Variants in RNGTT observed in about 807,000 individuals in gnomAD.
The protein encoded by RNGTT is RNA guanylyltransferase and 5'-phosphatase, also known as mRNA-capping enzyme.
Under a neutral mutation model 79.3 loss-of-function variants are expected in RNGTT, and 33 were observed. The observed-to-expected ratio is 0.42, with a 90% CI of 0.32 to 0.56. RNGTT has a LOEUF of 0.56. Ranked by LOEUF, RNGTT falls within the 20% of genes least tolerant of loss-of-function variation. The probability of loss-of-function intolerance (pLI) is 0.17; values close to 1 mark genes in which losing one functional copy is unlikely to be tolerated. For missense variants in RNGTT, 497 were observed against 739.1 expected (o/e 0.67, Z 3.80); for synonymous variants, 222 against 235.9 (o/e 0.94, Z 0.54).
chr6:88,790,559 C>T (rs1263693184), intron 12 of RNGTT, among the ~76,000 whole-genome samples: 6 of 152,092 alleles, frequency 3.9e-5, no homozygotes, highest in Non-Finnish European at 8.8e-5. Flanking sequence ...GATTGACCTC[C>T]AGACAGGTTA....
At chr6:88,793,231 TAAGAAAC>T (rs1043422254) in intron 12 of RNGTT, among the ~76,000 whole-genome samples, 9 of 152,046 alleles carry the variant, frequency 5.9e-5, no homozygotes, top group African/African-American at 2.2e-4. Context: ...AATAAAACAT[TAAGAAAC>T]AAAGACTGAA....
chr6:88,839,945 A>G (rs1781211715), intron 11 of RNGTT, among the ~76,000 whole-genome samples: 1 of 152,342 alleles, frequency 6.6e-6, no homozygotes, highest in Admixed American at 6.5e-5. Flanking sequence ...CAAAACAAAG[A>G]GTTATAGAGC....
At chr6:88,854,579 C>T (rs915126442) in intron 8 of RNGTT, among the ~76,000 whole-genome samples, 23 of 152,318 alleles carry the variant, frequency 1.5e-4, no homozygotes, top group Non-Finnish European at 2.6e-4. Flanking sequence ...GTTAGCAAAA[C>T]AGCTAATCCC....
At chr6:88,816,723 C>T (rs1293328225) in intron 11 of RNGTT, among the ~76,000 whole-genome samples, 1 of 152,072 alleles carries the variant, frequency 6.6e-6, no homozygotes, top group African/African-American at 2.4e-5. Flanking sequence ...AAAACCTTTG[C>T]GAGCACCCTA....
At chr6:88,828,125 C>A (rs899530834) in intron 11 of RNGTT, among the ~76,000 whole-genome samples, 2 of 152,178 alleles carry the variant, frequency 1.3e-5, no homozygotes, top group Non-Finnish European at 2.9e-5. Flanking sequence ...GGTCAACAGA[C>A]ACCTCATACA....
intron 8 of RNGTT, among the ~76,000 whole-genome samples, chr6:88,882,959 C>G (rs1223853605): frequency 6.6e-6 from 1 of 152,072 alleles, no homozygotes; most frequent in African/African-American, 2.4e-5. Context: ...CCTGCTATAG[C>G]CGCACAAATG....
At chr6:88,658,383 T>C (rs947228130) in intron 14 of RNGTT, among the ~76,000 whole-genome samples, 4 of 152,198 alleles carry the variant, frequency 2.6e-5, no homozygotes, top group Admixed American at 1.3e-4. Flanking sequence ...GGTGCTGGTA[T>C]CCACAGCTGG....
intron 13 of RNGTT, among the ~76,000 whole-genome samples, chr6:88,698,200 GAT>G (rs1554206718): frequency 2.5e-5 from 2 of 81,324 alleles, no homozygotes; most frequent in Non-Finnish European, 3.9e-5. Context: ...AAATATATAT[GAT>G]ATATATGAAA....
intron 11 of RNGTT, among the ~76,000 whole-genome samples, chr6:88,804,300 A>G (rs1779887506): frequency 6.6e-6 from 1 of 152,186 alleles, no homozygotes; most frequent in Admixed American, 6.5e-5. Flanking sequence ...AAATGCCCCA[A>G]AGATTTCTGC....
intron 11 of RNGTT, among the ~76,000 whole-genome samples, chr6:88,842,363 T>C (rs909144438): frequency 6.6e-6 from 1 of 151,726 alleles, no homozygotes; most frequent in Admixed American, 6.6e-5. Context: ...TTTTAAACAC[T>C]AGATCTGGTA....
intron 4 of RNGTT, among the ~76,000 whole-genome samples, chr6:88,923,003 T>C (rs1474595671): frequency 6.6e-6 from 1 of 152,230 alleles, no homozygotes; most frequent in African/African-American, 2.4e-5. Context: ...TTATCTCCCA[T>C]ATGTCTTGTA....
chr6:88,696,581 G>A (rs1481717491), intron 13 of RNGTT, among the ~76,000 whole-genome samples: 1 of 147,836 alleles, frequency 6.8e-6, no homozygotes, highest in Non-Finnish European at 1.5e-5. Context: ...TTGACTGCAG[G>A]ATGAACAGAA....
chr6:88,802,205 A>C (rs1356241008), intron 11 of RNGTT, among the ~76,000 whole-genome samples: 2 of 152,182 alleles, frequency 1.3e-5, no homozygotes, highest in Non-Finnish European at 2.9e-5. Context: ...AAACATGGAG[A>C]TTATAATCCA....
intron 13 of RNGTT, among the ~76,000 whole-genome samples, chr6:88,724,927 A>G (rs972616427): frequency 2.6e-5 from 4 of 152,170 alleles, no homozygotes; most frequent in Non-Finnish European, 5.9e-5. Context: ...CCAATAGGGG[A>G]AGGACACAGC....
chr6:88,849,613 G>T, intron 10 of RNGTT, 142 bp downstream of exon 10: 2 of 586,738 alleles, frequency 3.4e-6, no homozygotes, highest in Non-Finnish European at 2.6e-6. Context: ...GATATAAAAG[G>T]ATTAAAAAAA....
chr6:88,686,675 A>G (rs1308577251), intron 13 of RNGTT, among the ~76,000 whole-genome samples: 1 of 152,164 alleles, frequency 6.6e-6, no homozygotes, highest in East Asian at 1.9e-4. Flanking sequence ...AAGTGAAAGG[A>G]TAATCTTTCT....
At chr6:88,685,102 C>T (rs1328237758) in intron 13 of RNGTT, among the ~76,000 whole-genome samples, 2 of 151,996 alleles carry the variant, frequency 1.3e-5, no homozygotes, top group Non-Finnish European at 2.9e-5. Context: ...AAAACTATAG[C>T]GGCAAGATCA....
At chr6:88,851,670 C>T (rs1249414365) in intron 9 of RNGTT, among the ~76,000 whole-genome samples, 1 of 152,008 alleles carries the variant, frequency 6.6e-6, no homozygotes, top group East Asian at 1.9e-4. Flanking sequence ...AGCTTCAATG[C>T]TCACATCTGA....
chr6:88,811,876 T>C (rs564000299), intron 11 of RNGTT, among the ~76,000 whole-genome samples: 2 of 152,168 alleles, frequency 1.3e-5, no homozygotes, highest in South Asian at 2.1e-4. Flanking sequence ...GACTCTTTTA[T>C]GTGCTTTCAT....
Sources: gnomAD v4.1 joint callset for allele counts (sites outside exome capture counted in the v4.1 genomes callset) on GRCh38, gnomAD v4.1.1 for gene constraint, MANE v1.5 for transcripts, NCBI Gene and HGNC (gene_info 2026-07-23, HGNC 2026-07-21) for gene names.